The following BRIP1 variants were observed in gnomAD, a reference collection of about 807,000 sequenced individuals.
BRIP1 encodes Fanconi anemia group J protein.
In BRIP1, 88 loss-of-function variants were observed where a neutral mutation model predicts 119.7. The observed-to-expected ratio is 0.74, with a 90% CI of 0.62 to 0.88. BRIP1 has a LOEUF of 0.88. BRIP1 is among the 40% of genes least tolerant of loss of function. The pLI is 0.00. For synonymous variants in BRIP1, 443 were observed against 496.5 expected, an observed-to-expected ratio of 0.89 and a Z score of 1.43; for missense variants, 1,259 against 1,455.4, an observed-to-expected ratio of 0.87 and a Z score of 2.20.
chr17:61,719,680 G>T (rs112039982), intron 16 of BRIP1, among the ~76,000 whole-genome samples: 89 of 150,512 alleles, frequency 5.9e-4, no homozygotes, highest in African/African-American at 2.1e-3. Context: ...AGCCAAGATC[G>T]CACCACTGCA....
intron 6 of BRIP1, among the ~76,000 whole-genome samples, chr17:61,812,547 A>C (rs1427206139): frequency 2.0e-5 from 3 of 152,010 alleles, no homozygotes; most frequent in Non-Finnish European, 4.4e-5. Flanking sequence ...GAGTCCTTTT[A>C]CTTCAAGAAA....
chr17:61,712,052 T>A lies in BRIP1; in HGVS notation c.2492+3899A>T, dbSNP rs535075420. Among the ~76,000 whole-genome samples the A allele has an allele frequency of 2.5e-4, 38 of 152,174 alleles. No individual in the cohort carries two copies. The South Asian group carries it at 7.9e-3, about 32-fold the overall frequency. ...GCTATGTCTAAGCGATACACAAATC[T>A]GAACCCACATGCCATCTGGTTTACA... On this transcript the variant is annotated intron_variant, in intron 17 of 19. Coordinates refer to ENST00000259008, the MANE Select transcript of BRIP1 (RefSeq NM_032043.3).
In BRIP1 at chr17:61,793,730, C is replaced by A; in HGVS notation, c.1341-1G>T. On this transcript the variant is annotated splice_acceptor_variant, in intron 9 of 19. Coordinates refer to ENST00000259008, the MANE Select transcript of BRIP1 (RefSeq NM_032043.3). LOFTEE classifies it high-confidence loss of function. The surrounding 1 kb of genome is among the most constrained non-coding windows in gnomAD (Gnocchi z 5.2). Reference sequence around the variant, plus strand: ...ATATTCAGCGTTTGCTTCTAACCAACTGAAATAAAATAAAACAATTGTGTC... The same window carrying A: ...ATATTCAGCGTTTGCTTCTAACCAAATGAAATAAAATAAAACAATTGTGTC... 1 of 1,608,828 alleles carries A rather than the reference C, an allele frequency of 6.2e-7. No individual in the cohort carries two copies. Among genetic ancestry groups the A allele is most frequent in the Non-Finnish European group, 8.5e-7 (1 of 1,178,378 alleles).
rs946760331 is a variant in BRIP1 at position 61,680,680 on chromosome 17, C to T, written c.*2616G>A. On this transcript the variant is annotated 3_prime_UTR_variant, in exon 20 of 20. Coordinates refer to ENST00000259008, the MANE Select transcript of BRIP1 (RefSeq NM_032043.3). ...ATTTTTAGTAGAGACGGGGTTTCACCGTGTTAACCAGGATGGTCTCGATCT... is the reference window on the plus strand; with the variant it reads ...ATTTTTAGTAGAGACGGGGTTTCACTGTGTTAACCAGGATGGTCTCGATCT... 4.6e-5 allele frequency among the ~76,000 whole-genome samples: 7 copies of T among 151,786 alleles called. No homozygotes were observed. The highest frequency in any genetic ancestry group is 1.3e-4 in the Admixed American group (2 of 15,248).
rs1259868467 is a variant in BRIP1 at position 61,828,033 on chromosome 17, T to C, written c.627+19068A>G. The stretch of plus-strand genomic sequence containing the variant: ...AAAACTTAAATATAGAATTACCATA[T>C]GGTCCAGAAATTCCACTCTTAGGTG... On this transcript the variant is annotated intron_variant, in intron 6 of 19. Coordinates refer to ENST00000259008, the MANE Select transcript of BRIP1 (RefSeq NM_032043.3). The surrounding 1 kb of genome is among the most constrained non-coding windows in gnomAD (Gnocchi z 4.1). 6.6e-6 allele frequency among the ~76,000 whole-genome samples: 1 copy of C among 152,186 alleles called. No homozygotes were observed. Among genetic ancestry groups the C allele is most frequent in the African/African-American group, 2.4e-5 (1 of 41,458 alleles).
In BRIP1 at chr17:61,799,837, T is replaced by C. The variant is rs541193873; in HGVS notation, c.1141-538A>G. ...TCTGTCCTGCAATCCTTCTCCAACA[T>C]GGGAGTTGGAGAATTGTTCTTCTCC... is the stretch of plus-strand genomic sequence containing the variant. On this transcript the variant is annotated intron_variant, in intron 8 of 19. Coordinates refer to ENST00000259008, the MANE Select transcript of BRIP1 (RefSeq NM_032043.3). The surrounding 1 kb of genome is among the most constrained non-coding windows in gnomAD (Gnocchi z 5.1). Among the ~76,000 whole-genome samples, 19 of 152,166 alleles carry C rather than the reference T, an allele frequency of 1.2e-4. No homozygotes were observed. The East Asian group carries it at 3.7e-3, about 29-fold the overall frequency.
rs2061866080 is a variant in BRIP1 at position 61,716,517 on chromosome 17, T to A, written c.2380-454A>T. Among the ~76,000 whole-genome samples, 2 of 152,130 alleles carry A rather than the reference T, an allele frequency of 1.3e-5. 1 individual carries two copies. The highest frequency in any genetic ancestry group is 1.3e-4 in the Admixed American group (2 of 15,264). ...AGAATTTCATATAAATATTATCATA[T>A]ACTATGTAATGACTTGTGACATTTT... On this transcript the variant is annotated intron_variant, in intron 16 of 19. Transcript: ENST00000259008.
rs763009188 is a variant in BRIP1, at chr17:61,857,143, ATTGT to A, written c.290_293del (p.Asn97MetfsTer3). The A allele has an allele frequency of 6.2e-6, 10 of 1,614,024 alleles. No individual in the cohort carries two copies. The South Asian group carries it at 7.7e-5, about 12-fold the overall frequency. On this transcript the variant is annotated frameshift_variant, in exon 4 of 20. Transcript: ENST00000259008. LOFTEE classifies it high-confidence loss of function. This position sits in a 1 kb window ranked among gnomAD's most constrained non-coding sequence, Gnocchi z 5.1. ...GACGTGAAGTTCCTTGGTTCATGTC[ATTGT>A]TTGTAAAATCCTTTGAATGGCATGC...
intron 16 of BRIP1, among the ~76,000 whole-genome samples, chr17:61,718,912 A>G (rs1215517117): frequency 6.6e-6 from 1 of 152,186 alleles, no homozygotes; most frequent in Non-Finnish European, 1.5e-5. Flanking sequence ...TAATCTCTGG[A>G]TTACTTTAAT....
chr17:61,680,701 G>C lies in BRIP1; in HGVS notation c.*2595C>G, dbSNP rs2061259485. ...TCACCGTGTTAACCAGGATGGTCTC[G>C]ATCTCCTGACCTCGTGATCCGCCCG... On this transcript the variant is annotated 3_prime_UTR_variant, in exon 20 of 20. Transcript: ENST00000259008. Among the ~76,000 whole-genome samples, 2 of 151,800 alleles carry C rather than the reference G, an allele frequency of 1.3e-5. No individual in the cohort carries two copies. The highest frequency in any genetic ancestry group is 2.9e-5 in the Non-Finnish European group (2 of 67,924).
rs1480281514 is a variant in BRIP1, at chr17:61,730,735, C to A, written c.2379+12278G>T. 6.6e-6 allele frequency among the ~76,000 whole-genome samples: 1 copy of A among 152,042 alleles called. No individual in the cohort carries two copies. The highest frequency in any genetic ancestry group is 1.9e-4 in the East Asian group (1 of 5,198). ...TTATTTATTTTTTGCTAAGGAAATA[C>A]AATGACATGAGTATTAGGAGAAAAA... On this transcript the variant is annotated intron_variant, in intron 16 of 19. Transcript: ENST00000259008. This position sits in a 1 kb window ranked among gnomAD's most constrained non-coding sequence, Gnocchi z 4.3.
intron 16 of BRIP1, among the ~76,000 whole-genome samples, chr17:61,737,107 AATAG>A (rs1318131970): frequency 1.3e-5 from 2 of 152,174 alleles, no homozygotes; most frequent in Admixed American, 6.5e-5. Context: ...AGGGAATCAA[AATAG>A]TATACTACAA....
chr17:61,716,166 G>T, intron 16 of BRIP1, 103 bp from the exon 17 acceptor site: 1 of 744,796 alleles, frequency 1.3e-6, no homozygotes, highest in Non-Finnish European at 2.1e-6. Context: ...TTTTAGGGTA[G>T]AGATTTTATT....
At chr17:61,719,162 A>G in intron 16 of BRIP1, among the ~76,000 whole-genome samples, 1 of 149,932 alleles carries the variant, frequency 6.7e-6, no homozygotes, top group East Asian at 2.0e-4. Context: ...AAATCATTAT[A>G]TTGAAGAGAC....
At position 61,706,887 on chromosome 17, in the gene BRIP1, C is replaced by A. The variant is rs781729044; in HGVS notation, c.2492+9064G>T. Among the ~76,000 whole-genome samples the A allele has an allele frequency of 5.3e-5, 8 of 152,156 alleles. No homozygotes were observed. Among genetic ancestry groups the A allele is most frequent in the African/African-American group, 1.4e-4 (6 of 41,436 alleles). ...AAAAATTCTTCCAAGTATGGTCAAA[C>A]CTTCTATCCTCTGAACTCAATTTAG... On this transcript the variant is annotated intron_variant, in intron 17 of 19. Transcript: ENST00000259008. The surrounding 1 kb of genome is among the most constrained non-coding windows in gnomAD (Gnocchi z 5.7).
At position 61,681,854 on chromosome 17, in the gene BRIP1, G is replaced by A. The variant is rs961062492; in HGVS notation, c.*1442C>T. 7 of 197,672 alleles carry A rather than the reference G, an allele frequency of 3.5e-5. No homozygotes were observed. The highest frequency in any genetic ancestry group is 1.2e-4 in the African/African-American group (5 of 43,442). 12.2% of individuals were successfully genotyped at this position (197,672 alleles called of 1,614,324 possible). A position where few individuals can be genotyped will look rare whatever the true frequency, so the allele number is the denominator to read the frequency against. ...TATATAATGATTCATTTATCCAAAT[G>A]AAATGTAAAGTAAATCCTTACTGGA... On this transcript the variant is annotated 3_prime_UTR_variant, in exon 20 of 20. Transcript: ENST00000259008. The surrounding 1 kb of genome is among the most constrained non-coding windows in gnomAD (Gnocchi z 5.1).
rs1567776950 is a variant in BRIP1 at position 61,739,947 on chromosome 17, G to A, written c.2379+3066C>T. Reference sequence around the variant, plus strand: ...GATACAACTGTTTCTGGCCAAGATTGAGTAACTGGTTTAAGAATATTTCTT... The same window carrying A: ...GATACAACTGTTTCTGGCCAAGATTAAGTAACTGGTTTAAGAATATTTCTT... On this transcript the variant is annotated intron_variant, in intron 16 of 19. Transcript: ENST00000259008. The surrounding 1 kb of genome is among the most constrained non-coding windows in gnomAD (Gnocchi z 6.0). Among the ~76,000 whole-genome samples the A allele has an allele frequency of 6.6e-6, 1 of 152,194 alleles. No individual in the cohort carries two copies. The highest frequency in any genetic ancestry group is 2.1e-4 in the South Asian group (1 of 4,832).
chr17:61,834,286 A>G lies in BRIP1; in HGVS notation c.627+12815T>C, dbSNP rs546078128. Among the ~76,000 whole-genome samples, 2 of 152,292 alleles carry G rather than the reference A, an allele frequency of 1.3e-5. No individual in the cohort carries two copies. Among genetic ancestry groups the G allele is most frequent in the African/African-American group, 4.8e-5 (2 of 41,568 alleles). On this transcript the variant is annotated intron_variant, in intron 6 of 19. Transcript: ENST00000259008. The surrounding 1 kb of genome is among the most constrained non-coding windows in gnomAD (Gnocchi z 4.4). ...GTGTAATATATGTCATATATACTAC[A>G]TAACAAATATATGTAATATATACTA...
intron 14 of BRIP1, among the ~76,000 whole-genome samples, chr17:61,773,852 T>C (rs866998113): frequency 6.6e-6 from 1 of 152,086 alleles, no homozygotes; most frequent in African/African-American, 2.4e-5. Context: ...TCATCACTGG[T>C]CATCAGAGAA....
Sources: allele counts gnomAD v4.1 joint callset (sites outside exome capture counted in the v4.1 genomes callset), GRCh38; gene constraint gnomAD v4.1.1; non-coding constraint Gnocchi (gnomAD v3.1); transcripts MANE v1.5; gene names NCBI Gene and HGNC (gene_info 2026-07-23, HGNC 2026-07-21).